ZEB1: variants seen among roughly 807,000 people sequenced by gnomAD.
ZEB1 encodes the protein zinc finger E-box-binding homeobox 1.
In ZEB1, 21 loss-of-function variants were observed where a neutral mutation model predicts 84.9. That is an observed-to-expected ratio of 0.25 (90% CI 0.18 to 0.36). The LOEUF is 0.36. ZEB1 is among the 10% of genes least tolerant of loss of function. The pLI, the probability that ZEB1 is intolerant of heterozygous loss-of-function variation, is 1.00. For synonymous variants in ZEB1, 420 were observed against 471.1 expected (o/e 0.89, Z 1.41); for missense variants, 1,104 against 1,330.2 (o/e 0.83, Z 2.65).
At chr10:31,319,540 C>T (rs1420039171) in intron 1 of ZEB1, 2 of 525,028 alleles carry the variant, frequency 3.8e-6, no homozygotes, top group African/African-American at 2.1e-5. Flanking sequence ...CTAGCGGCTC[C>T]CGCCGCCCCT....
chr10:31,346,848 T>A (rs921199281), intron 1 of ZEB1, among the ~76,000 whole-genome samples: 3 of 152,166 alleles, frequency 2.0e-5, no homozygotes, highest in Admixed American at 2.0e-4. Context: ...GTCTTCAGAC[T>A]GTACTTTTGC....
At chr10:31,517,056 T>C (rs779777787) in intron 6 of ZEB1, among the ~76,000 whole-genome samples, 42 of 152,064 alleles carry the variant, frequency 2.8e-4, no homozygotes, top group Non-Finnish European at 5.4e-4. Flanking sequence ...GATTGGAAAC[T>C]TAAAAAAGAA....
chr10:31,321,395 T>G, intron 1 of ZEB1: 2 of 1,589,002 alleles, frequency 1.3e-6, no homozygotes, highest in Non-Finnish European at 1.7e-6. Flanking sequence ...ATTTTGGTAT[T>G]CTCATTGTGG....
intron 5 of ZEB1, among the ~76,000 whole-genome samples, chr10:31,512,533 C>T (rs927575210): frequency 2.0e-5 from 3 of 152,156 alleles, no homozygotes; most frequent in Admixed American, 2.0e-4. Flanking sequence ...GTATATTTTG[C>T]TGGCCCTTGA....
chr10:31,520,645 C>G lies in ZEB1; in HGVS notation c.1313C>G (p.Ala438Gly), dbSNP rs2072114088. 3 of 1,614,024 alleles carry G rather than the reference C, an allele frequency of 1.9e-6. No homozygotes were observed. The highest frequency in any genetic ancestry group is 2.5e-6 in the Non-Finnish European group (3 of 1,179,978). The change falls in exon 7 of 9, where the codon GCA becomes GGA. Residue 438 changes from alanine to glycine, a missense_variant. By Grantham distance (60) the Ala-to-Gly change is moderately conservative. Coordinates refer to ENST00000424869, the MANE Select transcript of ZEB1 (RefSeq NM_001174096.2). The surrounding 1 kb of genome is among the most constrained non-coding windows in gnomAD (Gnocchi z 5.1). Reference protein sequence around the residue: ...QVLENNQANLASKEQETINAS... With the variant: ...QVLENNQANLGSKEQETINAS... ...TTGGAGAATAATCAAGCCAATCTTG[C>G]ATCCAAAGAACAAGAAACAATCAAT...
At chr10:31,323,090 T>TA (rs140400385) in intron 1 of ZEB1, among the ~76,000 whole-genome samples, 2,300 of 152,246 alleles carry the variant, frequency 0.015, 52 homozygotes, top group African/African-American at 0.052. Flanking sequence ...AAATTTGAGT[T>TA]ATTTAAGTCT....
intron 1 of ZEB1, among the ~76,000 whole-genome samples, chr10:31,323,594 A>G (rs1344816779): frequency 6.6e-6 from 1 of 152,100 alleles, no homozygotes; most frequent in Non-Finnish European, 1.5e-5. Flanking sequence ...ATTAAGGAAT[A>G]TAAGTTTGCT....
chr10:31,464,549 G>A (rs1005514180), intron 2 of ZEB1, among the ~76,000 whole-genome samples: 17 of 152,076 alleles, frequency 1.1e-4, no homozygotes, highest in Admixed American at 9.2e-4. Context: ...GATCTGTAAA[G>A]ATCAAAGAAG....
At chr10:31,320,287 G>T (rs943120797) in intron 1 of ZEB1, 21 of 152,348 alleles carry the variant, frequency 1.4e-4, no homozygotes, top group African/African-American at 3.8e-4. Context: ...TGTTACCTGG[G>T]CTTAGAGACC....
At chr10:31,388,009 C>T (rs1349318535) in intron 1 of ZEB1, among the ~76,000 whole-genome samples, 1 of 152,232 alleles carries the variant, frequency 6.6e-6, no homozygotes, top group Non-Finnish European at 1.5e-5. Context: ...ATTCTGACAT[C>T]AGAAAACCTT....
At chr10:31,506,321 T>A (rs1485138708) in intron 4 of ZEB1, among the ~76,000 whole-genome samples, 1 of 152,068 alleles carries the variant, frequency 6.6e-6, no homozygotes, top group Non-Finnish European at 1.5e-5. Flanking sequence ...GTTTCTTTGT[T>A]AAGTGTCTTT....
chr10:31,450,884 G>T (rs1329834074), intron 1 of ZEB1, among the ~76,000 whole-genome samples: 1 of 152,044 alleles, frequency 6.6e-6, no homozygotes, highest in Non-Finnish European at 1.5e-5. Context: ...GTGTGTGTGT[G>T]TGTGTGCGTG....
intron 5 of ZEB1, among the ~76,000 whole-genome samples, chr10:31,514,174 G>A (rs938231278): frequency 6.6e-6 from 1 of 152,116 alleles, no homozygotes; most frequent in African/African-American, 2.4e-5. Flanking sequence ...ACCTTGTTCT[G>A]TTGAGTGAGC....
In ZEB1 at chr10:31,382,684, A is replaced by T. The variant is rs186075762; in HGVS notation, c.58+63392A>T. ...GAAGAATTAGTAGAACTCACCCAGA[A>T]GATACTTGAATATTAAAAATTTTTG... On this transcript the variant is annotated intron_variant, in intron 1 of 8. Coordinates refer to ENST00000424869, the MANE Select transcript of ZEB1 (RefSeq NM_001174096.2). Among the ~76,000 whole-genome samples the T allele has an allele frequency of 3.5e-4, 53 of 152,286 alleles. No individual in the cohort carries two copies. In the East Asian group the frequency reaches 7.3e-3, roughly 21 times the overall value.
intron 1 of ZEB1, among the ~76,000 whole-genome samples, chr10:31,347,007 T>C (rs903966377): frequency 5.3e-5 from 8 of 152,142 alleles, no homozygotes; most frequent in African/African-American, 1.9e-4. Context: ...TTAAAAACAC[T>C]TGGAAGATAT....
chr10:31,363,571 G>T (rs890458424), intron 1 of ZEB1: 21 of 1,527,354 alleles, frequency 1.4e-5, no homozygotes, highest in Non-Finnish European at 1.7e-5. Context: ...TTTCACCTCT[G>T]TTGCTTCTTT....
chr10:31,363,989 G>C (rs1162209628), intron 1 of ZEB1, among the ~76,000 whole-genome samples: 1 of 152,202 alleles, frequency 6.6e-6, no homozygotes, highest in African/African-American at 2.4e-5. Context: ...GCAGGTTGCC[G>C]ATGGCATGGC....
rs1356500683 is a variant in ZEB1 at position 31,495,853 on chromosome 10, C to CT, written c.322+18dup. On this transcript the variant is annotated intron_variant, in intron 3 of 8. Transcript: ENST00000424869. ...AGGATGTACAGGTACTCTGCTGCGA[C>CT]TTTCTTTCATACCATAGCCTTTAAA... The CT allele has an allele frequency of 6.2e-7, 1 of 1,612,624 alleles. No homozygotes were observed. Among genetic ancestry groups the CT allele is most frequent in the Non-Finnish European group, 8.5e-7 (1 of 1,178,982 alleles).
intron 2 of ZEB1, among the ~76,000 whole-genome samples, chr10:31,478,469 A>T (rs2064578660): frequency 6.6e-6 from 1 of 151,988 alleles, no homozygotes; most frequent in South Asian, 2.1e-4. Context: ...CTAAAAATGG[A>T]ATTACCATTC....
Sources: gnomAD v4.1 joint callset for allele counts (sites outside exome capture counted in the v4.1 genomes callset) on GRCh38, gnomAD v4.1.1 for gene constraint, Gnocchi (gnomAD v3.1) non-coding constraint, MANE v1.5 for transcripts, NCBI Gene and HGNC (gene_info 2026-07-23, HGNC 2026-07-21) for gene names.